Variants in CERT1 observed in about 807,000 individuals in gnomAD.
CERT1 encodes ceramide transporter 1, also known as ceramide transfer protein.
Under a neutral mutation model 87.9 loss-of-function variants are expected in CERT1, and 31 were observed. The ratio of observed to expected loss-of-function variants is 0.35; its 90% CI spans 0.27 to 0.48. The LOEUF (loss-of-function observed/expected upper bound fraction) is 0.48. Ranked by LOEUF, CERT1 falls within the 20% of genes least tolerant of loss-of-function variation. CERT1 has a pLI of 0.99. For synonymous variants in CERT1, 289 were observed against 250.9 expected (o/e 1.15, Z -1.44); for missense variants, 487 against 758.0 (o/e 0.64, Z 4.20).
At chr5:75,372,608 C>A (rs559742503) in intron 17 of CERT1, 1 of 152,026 alleles carries the variant, frequency 6.6e-6, no homozygotes, top group Admixed American at 6.6e-5. Flanking sequence ...GCATGAAATC[C>A]GCGTGCATGT....
chr5:75,399,758 T>C lies in CERT1; in HGVS notation c.1111-371A>G, dbSNP rs1402430291. ...TTCAGAACAAAATTTCTAACTGTTTTGGAGGATGTATATGGAATACAATAT... is the reference window on the plus strand; with the variant it reads ...TTCAGAACAAAATTTCTAACTGTTTCGGAGGATGTATATGGAATACAATAT... On this transcript the variant is annotated intron_variant, in intron 10 of 16. Coordinates refer to ENST00000643780, the MANE Select transcript of CERT1 (RefSeq NM_001379029.1). 2.6e-5 allele frequency among the ~76,000 whole-genome samples: 4 copies of C among 152,188 alleles called. No individual in the cohort carries two copies. In the East Asian group the frequency reaches 7.7e-4, roughly 29 times the overall value.
intron 17 of CERT1, chr5:75,369,300 A>G (rs1761004093): frequency 6.6e-6 from 1 of 152,172 alleles, no homozygotes; most frequent in Non-Finnish European, 1.5e-5. Flanking sequence ...AGTGTACTGT[A>G]TTTGTAGTGC....
At position 75,469,874 on chromosome 5, in the gene CERT1, A is replaced by G. The variant is rs375618287; in HGVS notation, c.232-10693T>C. On this transcript the variant is annotated intron_variant, in intron 2 of 16. Coordinates refer to ENST00000643780, the MANE Select transcript of CERT1 (RefSeq NM_001379029.1). ...ACATACTGAAAGTAAAGAGATTTAA[A>G]AAGATATTCTATGCAACTAGAAACC... Among the ~76,000 whole-genome samples, 14 of 152,292 alleles carry G rather than the reference A, an allele frequency of 9.2e-5. No individual in the cohort carries two copies. The East Asian group carries it at 1.5e-3, about 17-fold the overall frequency.
At chr5:75,491,827 G>A (rs1020869619) in intron 2 of CERT1, among the ~76,000 whole-genome samples, 7 of 152,160 alleles carry the variant, frequency 4.6e-5, no homozygotes, top group Admixed American at 4.6e-4. Flanking sequence ...CTTACCACAA[G>A]CCTACCACCT....
At chr5:75,374,372 T>C (rs1580681290), downstream of CERT1, 2 of 536,008 alleles carry the variant, frequency 3.7e-6, no homozygotes, top group South Asian at 2.9e-5. Flanking sequence ...TTTGAACTTA[T>C]TCCATCAGCA....
intron 2 of CERT1, among the ~76,000 whole-genome samples, chr5:75,496,075 CAT>C (rs1228195786): frequency 1.3e-5 from 2 of 151,978 alleles, no homozygotes; most frequent in Non-Finnish European, 2.9e-5. Flanking sequence ...ATTTGCCAAA[CAT>C]GTACCTGACA....
At chr5:75,507,791 G>A (rs1288111732) in intron 1 of CERT1, among the ~76,000 whole-genome samples, 4 of 152,094 alleles carry the variant, frequency 2.6e-5, no homozygotes, top group African/African-American at 9.7e-5. Flanking sequence ...ACTGACGGCC[G>A]AATAAAATAA....
At chr5:75,452,149 A>T (rs947478348) in intron 3 of CERT1, among the ~76,000 whole-genome samples, 2 of 152,208 alleles carry the variant, frequency 1.3e-5, no homozygotes, top group African/African-American at 4.8e-5. Context: ...CACAAAGGGT[A>T]AGAACAATTC....
At chr5:75,493,039 T>C (rs1766871049) in intron 2 of CERT1, among the ~76,000 whole-genome samples, 1 of 152,226 alleles carries the variant, frequency 6.6e-6, no homozygotes, top group Admixed American at 6.5e-5. Flanking sequence ...ACACTTTGAG[T>C]ACAATAACCT....
At chr5:75,394,696 T>C (rs1201442924) in intron 11 of CERT1, among the ~76,000 whole-genome samples, 1 of 151,956 alleles carries the variant, frequency 6.6e-6, no homozygotes, top group Non-Finnish European at 1.5e-5. Context: ...TGCACTCCAG[T>C]CTGGGGAACA....
At chr5:75,498,824 G>C (rs1767201652) in intron 2 of CERT1, among the ~76,000 whole-genome samples, 1 of 152,224 alleles carries the variant, frequency 6.6e-6, no homozygotes, top group African/African-American at 2.4e-5. Flanking sequence ...TGTGAGAAGA[G>C]GGCCACTGTC....
intron 3 of CERT1, among the ~76,000 whole-genome samples, chr5:75,433,589 T>C (rs1763961518): frequency 6.6e-6 from 1 of 152,192 alleles, no homozygotes; most frequent in Non-Finnish European, 1.5e-5. Flanking sequence ...GGTGTGATCA[T>C]GGCTCACTGA....
At chr5:75,368,946 T>C (rs1325942836) in intron 17 of CERT1, 1 of 152,068 alleles carries the variant, frequency 6.6e-6, no homozygotes, top group Non-Finnish European at 1.5e-5. Context: ...AGAGTCTTGC[T>C]GTATCACCCA....
intron 8 of CERT1, 133 bp downstream of exon 8, chr5:75,410,878 T>C: frequency 2.1e-6 from 1 of 472,094 alleles, no homozygotes; most frequent in South Asian, 4.1e-5. Flanking sequence ...AAATATACAC[T>C]GAATTAACAT....
chr5:75,481,920 T>C (rs1272613873), intron 2 of CERT1, among the ~76,000 whole-genome samples: 1 of 152,166 alleles, frequency 6.6e-6, no homozygotes, highest in Non-Finnish European at 1.5e-5. Flanking sequence ...CACAATCTAG[T>C]AGGATTAGCA....
chr5:75,446,309 T>A (rs184586981), intron 3 of CERT1, among the ~76,000 whole-genome samples: 6 of 152,342 alleles, frequency 3.9e-5, no homozygotes, highest in Non-Finnish European at 7.3e-5. Flanking sequence ...TTCATTTCAG[T>A]TACTAGAGTT....
chr5:75,431,114 G>A (rs925241041), intron 3 of CERT1, among the ~76,000 whole-genome samples: 8 of 152,142 alleles, frequency 5.3e-5, no homozygotes, highest in African/African-American at 1.9e-4. Flanking sequence ...TATTACATGG[G>A]TAAATTGCAT....
chr5:75,457,926 GGTGTGTGT>G (rs1234118888), intron 3 of CERT1, among the ~76,000 whole-genome samples: 2 of 146,126 alleles, frequency 1.4e-5, no homozygotes, highest in Non-Finnish European at 3.0e-5. Context: ...GTGTGTGTGT[GGTGTGTGT>G]GTGTGTGTTT....
chr5:75,461,680 C>T (rs1205896500), intron 2 of CERT1, among the ~76,000 whole-genome samples: 1 of 152,064 alleles, frequency 6.6e-6, no homozygotes, highest in Non-Finnish European at 1.5e-5. Context: ...TTTTCTCTGG[C>T]AAACACCTTC....
Sources: allele counts gnomAD v4.1 joint callset (sites outside exome capture counted in the v4.1 genomes callset), GRCh38; gene constraint gnomAD v4.1.1; transcripts MANE v1.5; gene names NCBI Gene and HGNC (gene_info 2026-07-23, HGNC 2026-07-21).